The following CATSPERT variants were observed in gnomAD, a reference collection of about 807,000 sequenced individuals.
CATSPERT encodes cation channel sperm-associated targeting subunit tau.
chr2:201,617,701 G>A, the CATSPERT span, among the ~76,000 whole-genome samples: 2 of 152,056 alleles, frequency 1.3e-5, no homozygotes, highest in Non-Finnish European at 2.9e-5. Context: ...AGCCAAAATC[G>A]ACAAATGGGA....
At chr2:201,517,023 G>A in the CATSPERT span, among the ~76,000 whole-genome samples, 2 of 151,784 alleles carry the variant, frequency 1.3e-5, no homozygotes, top group Non-Finnish European at 1.5e-5. Context: ...CCAGACACAG[G>A]GAATTTTTTC....
the CATSPERT span, among the ~76,000 whole-genome samples, chr2:201,542,906 T>C: frequency 2.0e-5 from 3 of 152,190 alleles, no homozygotes; most frequent in South Asian, 6.2e-4. Flanking sequence ...TTTGGTGTCT[T>C]ATCCAATAAA....
At chr2:201,493,619 G>T in the CATSPERT span, 2 of 1,537,220 alleles carry the variant, frequency 1.3e-6, no homozygotes, top group Non-Finnish European at 1.7e-6. Flanking sequence ...TCATGAAATA[G>T]AATATGTGAT....
At chr2:201,605,051 T>C in the CATSPERT span, among the ~76,000 whole-genome samples, 1 of 124,494 alleles carries the variant, frequency 8.0e-6, no homozygotes, top group Non-Finnish European at 1.7e-5. Context: ...ATCAAATATA[T>C]ATATACATAC....
chr2:201,513,919 T>C, the CATSPERT span, among the ~76,000 whole-genome samples: 2 of 152,178 alleles, frequency 1.3e-5, no homozygotes, highest in African/African-American at 4.8e-5. Context: ...CTTCAAATGT[T>C]AGGAAACTAA....
the CATSPERT span, chr2:201,491,816 A>C: frequency 1.3e-6 from 2 of 1,536,846 alleles, no homozygotes; most frequent in African/African-American, 2.7e-5. Context: ...GTTATTTTTG[A>C]TTTACCACCC....
chr2:201,509,382 C>T, the CATSPERT span, among the ~76,000 whole-genome samples: 1 of 150,870 alleles, frequency 6.6e-6, no homozygotes, highest in African/African-American at 2.5e-5. Flanking sequence ...ATATTAACCC[C>T]TTATCAGATA....
chr2:201,614,383 G>A, the CATSPERT span, among the ~76,000 whole-genome samples: 1 of 152,236 alleles, frequency 6.6e-6, no homozygotes, highest in Non-Finnish European at 1.5e-5. Flanking sequence ...CTACAAGCCA[G>A]AAGAGAGTGG....
the CATSPERT span, among the ~76,000 whole-genome samples, chr2:201,609,894 CA>C: frequency 0.41 from 62,534 of 151,818 alleles, 13,271 homozygotes; most frequent in East Asian, 0.63. Context: ...ATCAGCAAAA[CA>C]AAAATTTGGC....
the CATSPERT span, chr2:201,493,805 T>C: frequency 3.3e-6 from 5 of 1,536,434 alleles, no homozygotes; most frequent in Non-Finnish European, 4.4e-6. Flanking sequence ...ACTTCGCTTA[T>C]TAAATGTTTC....
chr2:201,500,086 G>A, the CATSPERT span, among the ~76,000 whole-genome samples: 1 of 151,782 alleles, frequency 6.6e-6, no homozygotes, highest in Non-Finnish European at 1.5e-5. Flanking sequence ...GGGCAGAAAT[G>A]TCCCCTATCA....
chr2:201,526,154 CACA>C, the CATSPERT span, among the ~76,000 whole-genome samples: 350 of 152,094 alleles, frequency 2.3e-3, 3 homozygotes, highest in African/African-American at 7.9e-3. Context: ...CTAGCAGAGA[CACA>C]ACAACAACAA....
chr2:201,520,183 A>G, the CATSPERT span, among the ~76,000 whole-genome samples: 2 of 152,252 alleles, frequency 1.3e-5, no homozygotes, highest in Admixed American at 6.5e-5. Flanking sequence ...AAATATTATT[A>G]GATCTAAAGA....
the CATSPERT span, among the ~76,000 whole-genome samples, chr2:201,568,733 G>C: frequency 6.6e-6 from 1 of 152,206 alleles, no homozygotes; most frequent in Non-Finnish European, 1.5e-5. Context: ...CCTCCATGCA[G>C]TATTGCTTTC....
chr2:201,601,972 C>CA, the CATSPERT span: 3 of 968,768 alleles, frequency 3.1e-6, no homozygotes, highest in Non-Finnish European at 4.4e-6. Context: ...CGATTCAGAC[C>CA]AAAACCTAAG....
chr2:201,618,893 C>T, the CATSPERT span: 1 of 1,613,346 alleles, frequency 6.2e-7, no homozygotes, highest in African/African-American at 1.3e-5. Context: ...GGCCCCCGCT[C>T]ACTCACGTTC....
chr2:201,612,885 G>A, the CATSPERT span, among the ~76,000 whole-genome samples: 1 of 152,164 alleles, frequency 6.6e-6, no homozygotes, highest in Admixed American at 6.5e-5. Context: ...CTTAGCAAAC[G>A]GCACACCAGG....
the CATSPERT span, among the ~76,000 whole-genome samples, chr2:201,581,567 TATATATATATATATATATATATATATAC>T: frequency 7.9e-5 from 6 of 75,482 alleles, 2 homozygotes; most frequent in East Asian, 1.3e-3. Flanking sequence ...TATATATATA[TATATATATATATATATATATATATATAC>T]ACATACATAT....
chr2:201,543,352 A>G, the CATSPERT span, among the ~76,000 whole-genome samples: 1 of 152,154 alleles, frequency 6.6e-6, no homozygotes, highest in East Asian at 1.9e-4. Flanking sequence ...GGTTCCACAT[A>G]AATTTTAGGA....
Sources: allele counts gnomAD v4.1 joint callset (sites outside exome capture counted in the v4.1 genomes callset), GRCh38; gene constraint gnomAD v4.1.1; transcripts MANE v1.5; gene names NCBI Gene and HGNC (gene_info 2026-07-23, HGNC 2026-07-21).